Variants in DRICH1 observed in about 807,000 individuals in gnomAD.
DRICH1 encodes the protein aspartate-rich protein 1.
Under a neutral mutation model 39.5 loss-of-function variants are expected in DRICH1, and 38 were observed. That is an observed-to-expected ratio of 0.96 (90% CI 0.74 to 1.26). The LOEUF (loss-of-function observed/expected upper bound fraction) is 1.26, where lower values mean the gene tolerates loss of function less well. Among genes scored for constraint, DRICH1 ranks in the 50% most tolerant of loss-of-function variants. DRICH1 has a pLI of 0.00. For missense variants in DRICH1, 279 were observed against 270.4 expected, an observed-to-expected ratio of 1.03 and a Z score of -0.22; for synonymous variants, 84 against 99.5, an observed-to-expected ratio of 0.84 and a Z score of 0.93.
At chr22:23,626,085 G>A (rs770772475) in intron 1 of DRICH1, 37 bp from the exon 2 acceptor site, 1 of 1,488,290 alleles carries the variant, frequency 6.7e-7, no homozygotes, top group Admixed American at 1.7e-5. Context: ...TGCCCTGGTG[G>A]TTGGAGACTG....
chr22:23,629,377 G>C (rs534807596), intron 1 of DRICH1, among the ~76,000 whole-genome samples: 22 of 152,218 alleles, frequency 1.4e-4, no homozygotes, highest in African/African-American at 5.1e-4. Flanking sequence ...TGCATCCATT[G>C]AGTCAGTGGC....
chr22:23,630,426 TAAG>T (rs1413488250), intron 1 of DRICH1, among the ~76,000 whole-genome samples: 4 of 148,872 alleles, frequency 2.7e-5, no homozygotes, highest in South Asian at 2.1e-4. Context: ...TCTCTCTCTC[TAAG>T]AAGTAGGGAT....
At position 23,614,230 on chromosome 22, in the gene DRICH1, G is replaced by A. The variant is rs766235140; in HGVS notation, c.542-16C>T. On this transcript the variant is annotated splice_polypyrimidine_tract_variant and intron_variant, in intron 8 of 11. Transcript: ENST00000317749. ...TCAGAACAAGCTGGAAGGACACAGA[G>A]GAAAGATCAGTGCACCGGTGGTTGG... 2 of 1,596,824 alleles carry A rather than the reference G, an allele frequency of 1.3e-6. No individual in the cohort carries two copies. Among genetic ancestry groups the A allele is most frequent in the Non-Finnish European group, 1.7e-6 (2 of 1,164,242 alleles).
chr22:23,619,228 C>G, intron 6 of DRICH1, 136 bp downstream of exon 6: 1 of 557,956 alleles, frequency 1.8e-6, no homozygotes, highest in African/African-American at 1.9e-5. Flanking sequence ...CATGTTAAAT[C>G]TAACTAATCA....
chr22:23,614,220 A>C lies in DRICH1; in HGVS notation c.542-6T>G. 6.2e-7 allele frequency: 1 copy of C among 1,608,404 alleles called. No homozygotes were observed. Among genetic ancestry groups the C allele is most frequent in the Non-Finnish European group, 8.5e-7 (1 of 1,174,764 alleles). ...CAGGCTATCTTCAGAACAAGCTGGA[A>C]GGACACAGAGGAAAGATCAGTGCAC... is the stretch of plus-strand genomic sequence containing the variant. On this transcript the variant is annotated splice_region_variant and splice_polypyrimidine_tract_variant and intron_variant, in intron 8 of 11. Transcript: ENST00000317749.
chr22:23,588,996 A>G, the DRICH1 span, among the ~76,000 whole-genome samples: 1 of 152,064 alleles, frequency 6.6e-6, no homozygotes, highest in Non-Finnish European at 1.5e-5. Flanking sequence ...AACTAGGCTC[A>G]TATAACCCAA....
At chr22:23,598,222 C>T in the DRICH1 span, among the ~76,000 whole-genome samples, 1 of 150,474 alleles carries the variant, frequency 6.6e-6, no homozygotes, top group South Asian at 2.1e-4. Flanking sequence ...AGGTCCCTGA[C>T]CCAGCTTCTC....
chr22:23,595,815 G>A, the DRICH1 span, among the ~76,000 whole-genome samples: 2 of 151,858 alleles, frequency 1.3e-5, no homozygotes, highest in Non-Finnish European at 2.9e-5. Context: ...GAAACCCTAA[G>A]CCAGGAAATA....
intron 8 of DRICH1, 129 bp from the exon 9 acceptor site, chr22:23,614,343 T>C (rs1927226028): frequency 4.5e-6 from 3 of 672,844 alleles, no homozygotes; most frequent in Non-Finnish European, 8.1e-6. Flanking sequence ...TGCTGGGCTA[T>C]TCCCCTGAGT....
intron 1 of DRICH1, among the ~76,000 whole-genome samples, chr22:23,626,763 T>C (rs1928086458): frequency 6.6e-6 from 1 of 152,196 alleles, no homozygotes; most frequent in African/African-American, 2.4e-5. Context: ...CTGGTCTCTG[T>C]GGAGTCAGAG....
chr22:23,589,245 G>A, the DRICH1 span, among the ~76,000 whole-genome samples: 1 of 152,074 alleles, frequency 6.6e-6, no homozygotes. Flanking sequence ...GAGCCCAGGA[G>A]TTCAAGACCA....
At chr22:23,582,124 C>T in the DRICH1 span, among the ~76,000 whole-genome samples, 12 of 151,002 alleles carry the variant, frequency 7.9e-5, no homozygotes, top group South Asian at 6.3e-4. Context: ...GGATTACAGG[C>T]GCCCACCACC....
the DRICH1 span, among the ~76,000 whole-genome samples, chr22:23,594,604 G>A: frequency 6.6e-6 from 1 of 152,240 alleles, no homozygotes; most frequent in Non-Finnish European, 1.5e-5. Context: ...AAGGGAACAA[G>A]ATGTATGACA....
chr22:23,587,326 G>A, the DRICH1 span, among the ~76,000 whole-genome samples: 931 of 152,342 alleles, frequency 6.1e-3, 16 homozygotes, highest in South Asian at 0.039. Context: ...CGGGAATCTG[G>A]ATGTGGGGCA....
downstream of DRICH1, among the ~76,000 whole-genome samples, chr22:23,603,648 G>A (rs1156310598): frequency 3.3e-5 from 5 of 152,038 alleles, no homozygotes; most frequent in African/African-American, 4.8e-5. Flanking sequence ...TTTGAGGGGC[G>A]CCCAGCACCA....
chr22:23,594,141 G>A, the DRICH1 span, among the ~76,000 whole-genome samples: 4 of 152,170 alleles, frequency 2.6e-5, no homozygotes, highest in Non-Finnish European at 4.4e-5. Context: ...CCAAATTGGA[G>A]AAAGACGTGA....
intron 8 of DRICH1, among the ~76,000 whole-genome samples, chr22:23,615,370 C>T (rs1311839467): frequency 6.6e-6 from 1 of 152,166 alleles, no homozygotes; most frequent in African/African-American, 2.4e-5. Flanking sequence ...CAGTGAAACT[C>T]CATCTCAAAA....
chr22:23,616,529 T>G (rs1212764852), intron 8 of DRICH1, among the ~76,000 whole-genome samples: 23 of 152,238 alleles, frequency 1.5e-4, no homozygotes, highest in Admixed American at 3.3e-4. Flanking sequence ...TTGAAATCTT[T>G]TTACCTACCT....
chr22:23,622,278 AG>A, intron 3 of DRICH1, 102 bp from the exon 4 acceptor site: 1 of 1,022,454 alleles, frequency 9.8e-7, no homozygotes, highest in South Asian at 1.3e-5. Context: ...TTGATTAACA[AG>A]CATGGACTGA....
Sources: gnomAD v4.1 joint callset for allele counts (sites outside exome capture counted in the v4.1 genomes callset) on GRCh38, gnomAD v4.1.1 for gene constraint, MANE v1.5 for transcripts, NCBI Gene and HGNC (gene_info 2026-07-23, HGNC 2026-07-21) for gene names.